STUM: variants seen among roughly 807,000 people sequenced by gnomAD.
STUM encodes stum, mechanosensory transduction mediator homolog.
Under a neutral mutation model 15.3 loss-of-function variants are expected in STUM, and 8 were observed. The ratio of observed to expected loss-of-function variants is 0.52; its 90% CI spans 0.31 to 0.94. STUM has a LOEUF of 0.94. Among genes scored for constraint, STUM ranks in the 40% least tolerant of loss-of-function variants. STUM has a pLI of 0.05. For synonymous variants in STUM, 78 were observed against 88.7 expected, an observed-to-expected ratio of 0.88 and a Z score of 0.68; for missense variants, 142 against 204.9, an observed-to-expected ratio of 0.69 and a Z score of 1.87.
At chr1:226,572,549 C>A (rs920137677) in intron 1 of STUM, among the ~76,000 whole-genome samples, 1 of 152,114 alleles carries the variant, frequency 6.6e-6, no homozygotes, top group Non-Finnish European at 1.5e-5. Flanking sequence ...GAGGGGAGCA[C>A]GCTTTGTCTA....
intron 1 of STUM, among the ~76,000 whole-genome samples, chr1:226,571,397 G>A (rs539369810): frequency 3.9e-5 from 6 of 152,140 alleles, no homozygotes; most frequent in African/African-American, 7.2e-5. Flanking sequence ...TTGAGAAATC[G>A]ACTTCTTGAC....
chr1:226,574,286 G>A (rs1451967057), intron 1 of STUM, among the ~76,000 whole-genome samples: 1 of 152,168 alleles, frequency 6.6e-6, no homozygotes, highest in Non-Finnish European at 1.5e-5. Context: ...TCTACTCTCT[G>A]TTTCTGTGTA....
At chr1:226,561,513 G>T (rs367756916) in intron 1 of STUM, among the ~76,000 whole-genome samples, 17 of 152,134 alleles carry the variant, frequency 1.1e-4, no homozygotes, top group Admixed American at 5.9e-4. Context: ...GGAGGAACTG[G>T]AACAGAGGAG....
chr1:226,598,113 T>C lies in STUM; in HGVS notation c.382+1132T>C, dbSNP rs74139708. 1.7e-3 allele frequency among the ~76,000 whole-genome samples: 256 copies of C among 152,332 alleles called. 3 individuals are homozygous for C. Among genetic ancestry groups the C allele is most frequent in the African/African-American group, 5.8e-3 (243 of 41,584 alleles). ...TTCATGGGATCTCATCCTCTGGGCA[T>C]GTCCAGGGGCGACTTTCATTTGTCT... On this transcript the variant is annotated intron_variant, in intron 2 of 3. Transcript: ENST00000366788.
At chr1:226,570,054 G>A (rs1362046221) in intron 1 of STUM, among the ~76,000 whole-genome samples, 1 of 152,132 alleles carries the variant, frequency 6.6e-6, no homozygotes, top group Non-Finnish European at 1.5e-5. Flanking sequence ...CCCCCAACCT[G>A]AGCCCCGCCC....
intron 1 of STUM, among the ~76,000 whole-genome samples, chr1:226,561,082 C>G (rs1170853196): frequency 6.6e-6 from 1 of 152,178 alleles, no homozygotes; most frequent in Non-Finnish European, 1.5e-5. Flanking sequence ...CCTTTCCTGA[C>G]CATGCCAGTG....
chr1:226,574,829 C>T (rs536038175), intron 1 of STUM, among the ~76,000 whole-genome samples: 32 of 152,152 alleles, frequency 2.1e-4, no homozygotes, highest in Non-Finnish European at 4.0e-4. Flanking sequence ...AGTGATAGGA[C>T]TCCTGAAGCC....
chr1:226,574,894 C>T (rs1196658650), intron 1 of STUM, among the ~76,000 whole-genome samples: 1 of 152,188 alleles, frequency 6.6e-6, no homozygotes, highest in African/African-American at 2.4e-5. Context: ...CTCACAACCC[C>T]TCAGAGGAAA....
At chr1:226,598,616 T>C (rs567472981) in intron 2 of STUM, among the ~76,000 whole-genome samples, 2 of 152,348 alleles carry the variant, frequency 1.3e-5, no homozygotes, top group South Asian at 4.1e-4. Flanking sequence ...GAAGTGCAGA[T>C]GGGGATCCAG....
chr1:226,562,003 G>T (rs1368721343), intron 1 of STUM, among the ~76,000 whole-genome samples: 1 of 151,428 alleles, frequency 6.6e-6, no homozygotes, highest in East Asian at 1.9e-4. Context: ...ATGTCGGGTG[G>T]GGGGTGAGGT....
chr1:226,567,286 G>A lies in STUM; in HGVS notation c.202+18180G>A, dbSNP rs895837615. On this transcript the variant is annotated intron_variant, in intron 1 of 3. Transcript: ENST00000366788. The surrounding 1 kb of genome is among the most constrained non-coding windows in gnomAD (Gnocchi z 4.5). Reference sequence around the variant, plus strand: ...CTATCCAACGGGTGGTGACGGCCCCGCGGGCTCTTTTCTCAAACCAGATTC... The same window carrying A: ...CTATCCAACGGGTGGTGACGGCCCCACGGGCTCTTTTCTCAAACCAGATTC... 1.3e-5 allele frequency among the ~76,000 whole-genome samples: 2 copies of A among 152,166 alleles called. No homozygotes were observed. Among genetic ancestry groups the A allele is most frequent in the Non-Finnish European group, 2.9e-5 (2 of 68,034 alleles).
At chr1:226,594,721 C>T (rs1163821715) in intron 1 of STUM, among the ~76,000 whole-genome samples, 1 of 152,154 alleles carries the variant, frequency 6.6e-6, no homozygotes, top group Non-Finnish European at 1.5e-5. Flanking sequence ...ATGGCACGAT[C>T]TTGGCTCACT....
At chr1:226,582,959 G>T (rs1420656781) in intron 1 of STUM, among the ~76,000 whole-genome samples, 1 of 152,232 alleles carries the variant, frequency 6.6e-6, no homozygotes, top group Non-Finnish European at 1.5e-5. Flanking sequence ...TGTGGGCTGG[G>T]CTCAGGAGGG....
intron 1 of STUM, among the ~76,000 whole-genome samples, chr1:226,579,312 G>T (rs1457028020): frequency 6.6e-6 from 1 of 152,242 alleles, no homozygotes; most frequent in Non-Finnish European, 1.5e-5. Context: ...AGTCCATCAC[G>T]ATAAGGGATG....
In STUM at chr1:226,552,263, A is replaced by G. The variant is rs1667385332; in HGVS notation, c.202+3157A>G. ...TCCTAGGGAGTGGCTGGAAAGGAGAAGTGATTTATGATCACTCCAACTCCT... is the reference window on the plus strand; with the variant it reads ...TCCTAGGGAGTGGCTGGAAAGGAGAGGTGATTTATGATCACTCCAACTCCT... On this transcript the variant is annotated intron_variant, in intron 1 of 3. Transcript: ENST00000366788. This position sits in a 1 kb window ranked among gnomAD's most constrained non-coding sequence, Gnocchi z 4.7. 6.6e-6 allele frequency among the ~76,000 whole-genome samples: 1 copy of G among 152,122 alleles called. No individual in the cohort carries two copies. Among genetic ancestry groups the G allele is most frequent in the African/African-American group, 2.4e-5 (1 of 41,430 alleles).
At chr1:226,557,851 G>T (rs750615320) in intron 1 of STUM, among the ~76,000 whole-genome samples, 39 of 152,096 alleles carry the variant, frequency 2.6e-4, no homozygotes, top group Non-Finnish European at 5.4e-4. Context: ...CAATAAATGT[G>T]ATACATCACA....
chr1:226,587,490 G>A (rs1668014976), intron 1 of STUM, among the ~76,000 whole-genome samples: 3 of 152,142 alleles, frequency 2.0e-5, no homozygotes, highest in African/African-American at 7.2e-5. Flanking sequence ...GGTCTCACCT[G>A]TACACCCCTT....
intron 1 of STUM, among the ~76,000 whole-genome samples, chr1:226,569,837 G>C (rs1667679160): frequency 6.6e-6 from 1 of 152,220 alleles, no homozygotes; most frequent in Admixed American, 6.5e-5. Flanking sequence ...CTGTCTGGTA[G>C]AAATACTGAA....
chr1:226,601,776 G>A (rs550465), intron 3 of STUM, among the ~76,000 whole-genome samples: 161 of 146,692 alleles, frequency 1.1e-3, no homozygotes, highest in African/African-American at 3.6e-3. Context: ...CCAAATGCCC[G>A]CCCGTCATAC....
Sources: allele counts gnomAD v4.1 joint callset (sites outside exome capture counted in the v4.1 genomes callset), GRCh38; gene constraint gnomAD v4.1.1; non-coding constraint Gnocchi (gnomAD v3.1); transcripts MANE v1.5; gene names NCBI Gene and HGNC (gene_info 2026-07-23, HGNC 2026-07-21).